Variants in PCSK2 observed in about 807,000 individuals in gnomAD.
The protein encoded by PCSK2 is proprotein convertase subtilisin/kexin type 2.
In PCSK2, 14 loss-of-function variants were observed where a neutral mutation model predicts 69.7. That is an observed-to-expected ratio of 0.20 (90% CI 0.13 to 0.31). The LOEUF (loss-of-function observed/expected upper bound fraction) is 0.31. Ranked by LOEUF, PCSK2 falls within the 10% of genes least tolerant of loss-of-function variation. The pLI, the probability that PCSK2 is intolerant of heterozygous loss-of-function variation, is 1.00. For missense variants in PCSK2, 544 were observed against 842.5 expected (o/e 0.65, Z 4.39); for synonymous variants, 307 against 320.7 (o/e 0.96, Z 0.46).
intron 2 of PCSK2, among the ~76,000 whole-genome samples, chr20:17,316,385 C>A (rs1329952666): frequency 1.3e-5 from 2 of 152,164 alleles, no homozygotes; most frequent in African/African-American, 4.8e-5. Flanking sequence ...GTATCAGGCT[C>A]TGGGCACATA....
At chr20:17,481,162 C>T (rs562814354) in intron 11 of PCSK2, among the ~76,000 whole-genome samples, 1 of 152,224 alleles carries the variant, frequency 6.6e-6, no homozygotes, top group African/African-American at 2.4e-5. Context: ...AGCTGGATCA[C>T]TTGAGGCCAG....
chr20:17,358,060 C>T (rs1352282170), intron 2 of PCSK2, among the ~76,000 whole-genome samples: 2 of 152,022 alleles, frequency 1.3e-5, no homozygotes, highest in South Asian at 2.1e-4. Flanking sequence ...AATCCCAGCT[C>T]TTTTGGAGGC....
At chr20:17,268,033 GTATATATA>G (rs753655282) in intron 2 of PCSK2, among the ~76,000 whole-genome samples, 9 of 66,322 alleles carry the variant, frequency 1.4e-4, no homozygotes, top group East Asian at 4.4e-4. Context: ...TATCCAATGT[GTATATATA>G]TATATATATA....
At chr20:17,320,850 G>A (rs754110434) in intron 2 of PCSK2, among the ~76,000 whole-genome samples, 36 of 152,308 alleles carry the variant, frequency 2.4e-4, no homozygotes, top group Middle Eastern at 3.4e-3. Context: ...ATATGGGAAA[G>A]GCTAGAGTCC....
intron 2 of PCSK2, among the ~76,000 whole-genome samples, chr20:17,317,254 G>T (rs567671214): frequency 6.6e-6 from 1 of 152,310 alleles, no homozygotes; most frequent in Non-Finnish European, 1.5e-5. Flanking sequence ...AAAGTGGTGG[G>T]CATGAGGGAG....
At chr20:17,300,361 G>C (rs755112148) in intron 2 of PCSK2, among the ~76,000 whole-genome samples, 3 of 152,242 alleles carry the variant, frequency 2.0e-5, no homozygotes, top group Non-Finnish European at 4.4e-5. Flanking sequence ...TCTCCCCAAG[G>C]CCTGGCCGGC....
chr20:17,468,291 G>A (rs1337313318), intron 11 of PCSK2, among the ~76,000 whole-genome samples: 3 of 145,690 alleles, frequency 2.1e-5, no homozygotes, highest in Admixed American at 8.0e-5. Flanking sequence ...TCATTCCACA[G>A]GCCAGCATCC....
At chr20:17,339,314 G>A (rs578044562) in intron 2 of PCSK2, among the ~76,000 whole-genome samples, 31 of 152,140 alleles carry the variant, frequency 2.0e-4, no homozygotes, top group Non-Finnish European at 3.8e-4. Context: ...AGAGAACCAC[G>A]GTAGGCTTGT....
rs3076245 is a variant in PCSK2, at chr20:17,337,928, C to CAAAAAA, written c.283-20390_283-20385dup. The stretch of plus-strand genomic sequence containing the variant: ...TGGGTGACAAAGCAAAAACCCATCT[C>CAAAAAA]AAAAAAAAAAAAAAGCATTAGGAGA... On this transcript the variant is annotated intron_variant, in intron 2 of 11. Coordinates refer to ENST00000262545, the MANE Select transcript of PCSK2 (RefSeq NM_002594.5). Among the ~76,000 whole-genome samples the CAAAAAA allele has an allele frequency of 2.2e-3, 286 of 129,852 alleles. 1 individual carries two copies. Among genetic ancestry groups the CAAAAAA allele is most frequent in the African/African-American group, 7.7e-3 (260 of 33,672 alleles). 85.2% of individuals were successfully genotyped at this position (129,852 alleles called of 152,430 possible).
chr20:17,483,247 A>T lies in PCSK2; in HGVS notation c.*1177A>T, dbSNP rs952974438. On this transcript the variant is annotated 3_prime_UTR_variant, in exon 12 of 12. Coordinates refer to ENST00000262545, the MANE Select transcript of PCSK2 (RefSeq NM_002594.5). ...CCAGTTGTATGGAGCCTCTTCTGCC[A>T]AGAGAGGGCCATGCAATTCATCCCA... 23 of 152,156 alleles carry T rather than the reference A, an allele frequency of 1.5e-4. No individual in the cohort carries two copies. The highest frequency in any genetic ancestry group is 1.4e-3 in the Admixed American group (22 of 15,278). The allele number at this position is 152,156 out of a possible 1,614,324, so 9.4% of individuals were successfully genotyped here.
At chr20:17,240,307 A>G (rs1444077790) in intron 1 of PCSK2, among the ~76,000 whole-genome samples, 2 of 152,126 alleles carry the variant, frequency 1.3e-5, no homozygotes, top group Non-Finnish European at 2.9e-5. Flanking sequence ...CCAATTTCCT[A>G]CTACAGGCCC....
At chr20:17,226,526 AG>A (rs1206438385), upstream of PCSK2, 1 of 118,534 alleles carries the variant, frequency 8.4e-6, no homozygotes, top group Non-Finnish European at 1.7e-5. Flanking sequence ...TGTTTGAGAG[AG>A]AGAGAAAGAG....
At chr20:17,385,095 C>A (rs1391909693) in intron 5 of PCSK2, among the ~76,000 whole-genome samples, 1 of 152,100 alleles carries the variant, frequency 6.6e-6, no homozygotes, top group Non-Finnish European at 1.5e-5. Context: ...TACTTGATAT[C>A]TATGGTTGCC....
chr20:17,461,933 C>T (rs1483486153), intron 10 of PCSK2, among the ~76,000 whole-genome samples: 2 of 152,186 alleles, frequency 1.3e-5, no homozygotes, highest in Non-Finnish European at 2.9e-5. Flanking sequence ...TGTGTACCCA[C>T]AAAAATTAAA....
chr20:17,434,377 G>C (rs1034719102), intron 7 of PCSK2, among the ~76,000 whole-genome samples: 22 of 137,168 alleles, frequency 1.6e-4, no homozygotes, highest in African/African-American at 6.0e-4. Flanking sequence ...GTCTTGGCTT[G>C]GTGCAGTTGC....
chr20:17,418,859 G>A (rs1490840521), intron 6 of PCSK2, among the ~76,000 whole-genome samples: 1 of 152,194 alleles, frequency 6.6e-6, no homozygotes, highest in Non-Finnish European at 1.5e-5. Context: ...CCAGTATAGG[G>A]CTGACATGCT....
chr20:17,284,438 T>C (rs1988442493), intron 2 of PCSK2, among the ~76,000 whole-genome samples: 1 of 152,224 alleles, frequency 6.6e-6, no homozygotes, highest in South Asian at 2.1e-4. Context: ...AGGAGTTATC[T>C]GATCCATTTT....
chr20:17,382,863 A>G (rs1422773392), intron 5 of PCSK2, among the ~76,000 whole-genome samples: 1 of 152,102 alleles, frequency 6.6e-6, no homozygotes, highest in African/African-American at 2.4e-5. Flanking sequence ...AGACTCTACA[A>G]TCCAGGATTC....
intron 1 of PCSK2, among the ~76,000 whole-genome samples, chr20:17,237,319 A>AATATGCACAAGGATTTGTTC (rs1986380516): frequency 6.6e-6 from 1 of 152,248 alleles, no homozygotes; most frequent in Admixed American, 6.5e-5. Flanking sequence ...CACTAAAAGT[A>AATATGCACAAGGATTTGTTC]ACATGCACAA....
Sources: gnomAD v4.1 joint callset for allele counts (sites outside exome capture counted in the v4.1 genomes callset) on GRCh38, gnomAD v4.1.1 for gene constraint, MANE v1.5 for transcripts, NCBI Gene and HGNC (gene_info 2026-07-23, HGNC 2026-07-21) for gene names.